The following TPTE variants were observed in gnomAD, a reference collection of about 807,000 sequenced individuals.
TPTE encodes transmembrane phosphatase with tensin homology.
TPTE carries 59 observed loss-of-function variants against 84.1 expected under a neutral mutation model. The observed-to-expected ratio is 0.70, with a 90% CI of 0.57 to 0.87. TPTE has a LOEUF of 0.87. TPTE is among the 40% of genes least tolerant of loss of function. The pLI is 0.00. For synonymous variants in TPTE, 130 were observed against 223.5 expected (o/e 0.58, Z 3.73); for missense variants, 382 against 659.6 (o/e 0.58, Z 4.61).
At chr21:10,574,998 T>C (rs1208974190) in intron 14 of TPTE, among the ~76,000 whole-genome samples, 1 of 152,276 alleles carries the variant, frequency 6.6e-6, no homozygotes, top group East Asian at 1.9e-4. Context: ...CCAGGCAGCA[T>C]CATTCTGCAG....
intron 4 of TPTE, among the ~76,000 whole-genome samples, chr21:10,539,120 AAGC>A (rs376207920): frequency 1.2e-4 from 18 of 152,308 alleles, no homozygotes; most frequent in Non-Finnish European, 8.8e-5. Flanking sequence ...AGTTCCTAGT[AAGC>A]AGCAGCTTAA....
intron 23 of TPTE, among the ~76,000 whole-genome samples, chr21:10,604,271 C>T (rs1978991472): frequency 6.6e-6 from 1 of 152,426 alleles, no homozygotes; most frequent in South Asian, 2.1e-4. Context: ...ACTCATTTCT[C>T]AGTCTAGAAG....
chr21:10,586,301 G>GTT (rs58633013), intron 17 of TPTE, among the ~76,000 whole-genome samples: 166 of 150,248 alleles, frequency 1.1e-3, no homozygotes, highest in African/African-American at 3.7e-3. Flanking sequence ...CTTTGTGCTT[G>GTT]TTTTTTTTTT....
In TPTE at chr21:10,528,693, T is replaced by C. The variant is rs369820557; in HGVS notation, c.-44+1281T>C. Among the ~76,000 whole-genome samples, 15 of 152,406 alleles carry C rather than the reference T, an allele frequency of 9.8e-5. No individual in the cohort carries two copies. In the East Asian group the frequency reaches 1.9e-3, roughly 20 times the overall value. Reference sequence around the variant, plus strand: ...ACTTCTTATCGTAAGATTACCAATATAGTCACCAAAATATTTTTTTATATT... The same window carrying C: ...ACTTCTTATCGTAAGATTACCAATACAGTCACCAAAATATTTTTTTATATT... On this transcript the variant is annotated intron_variant, in intron 3 of 23. Transcript: ENST00000618007.
intron 21 of TPTE, among the ~76,000 whole-genome samples, chr21:10,601,507 AAAAG>A (rs1388338401): frequency 1.3e-5 from 2 of 152,346 alleles, no homozygotes; most frequent in African/African-American, 4.8e-5. Flanking sequence ...AAACAAAAAA[AAAAG>A]AAAAGAAAAG....
chr21:10,526,585 G>A (rs374076086), intron 2 of TPTE, among the ~76,000 whole-genome samples: 4 of 152,300 alleles, frequency 2.6e-5, no homozygotes, highest in Non-Finnish European at 5.9e-5. Flanking sequence ...TTATTTAAAC[G>A]TTTGAAAAGT....
chr21:10,538,483 C>CAGCCTA (rs1433340283), intron 3 of TPTE, among the ~76,000 whole-genome samples, 198 bp from the exon 4 acceptor site: 4 of 152,306 alleles, frequency 2.6e-5, no homozygotes, highest in Admixed American at 2.6e-4. Flanking sequence ...CTATTTTCCC[C>CAGCCTA]AGCCTAAGAT....
chr21:10,529,773 T>TGGG, intron 3 of TPTE, among the ~76,000 whole-genome samples: 1 of 152,424 alleles, frequency 6.6e-6, no homozygotes, highest in Non-Finnish European at 1.5e-5. Context: ...ATATCCATGT[T>TGGG]GGGGGGAGAT....
In TPTE at chr21:10,541,141, T is replaced by C. The variant is rs761362233; in HGVS notation, c.41T>C (p.Ile14Thr). The change falls in exon 5 of 24, where the codon ATC (isoleucine) becomes ACC (threonine). Residue 14 changes from isoleucine (I) to threonine (T), a missense_variant. Transcript: ENST00000618007. ...GATCCGACTGACCTGGCGGGAGTCA[T>C]CATTGAGCTCGGCCCCAATGACAGG... Reference protein sequence around the residue: ...SPDPTDLAGVIIELGPNDSPQ... With the variant: ...SPDPTDLAGVTIELGPNDSPQ... The C allele has an allele frequency of 1.2e-6, 2 of 1,613,340 alleles. No individual in the cohort carries two copies. The highest frequency in any genetic ancestry group is 1.1e-5 in the South Asian group (1 of 91,078).
intron 17 of TPTE, among the ~76,000 whole-genome samples, chr21:10,585,942 G>A (rs1371518056): frequency 7.4e-4 from 113 of 152,194 alleles, no homozygotes; most frequent in African/African-American, 2.6e-3. Flanking sequence ...TCCTGACATT[G>A]CTTTCTTGGT....
Position 10,569,534 on chromosome 21 carries a change from C to T in TPTE, c.664C>T (p.Arg222Trp), listed in dbSNP as rs76723236. 119,111 of 1,350,840 alleles carry T rather than the reference C, an allele frequency of 0.088. No homozygotes were observed. Among genetic ancestry groups the T allele is most frequent in the Admixed American group, 0.23 (10,695 of 46,600 alleles). The allele number at this position is 1,350,840 out of a possible 1,614,324, so 83.7% of individuals were successfully genotyped here. A position where few individuals can be genotyped will look rare whatever the true frequency, so the allele number is the denominator to read the frequency against. The change falls in exon 12 of 24, where the codon CGG becomes TGG. Residue 222 changes from arginine (R) to tryptophan (W), a missense_variant and splice_region_variant. By Grantham distance (101) the Arg-to-Trp change is moderately radical. This residue lies in a region of TPTE where 85 missense variants were observed against 230.9 expected (regional missense o/e 0.37). Transcript: ENST00000618007. ...KRQLEKLIRRRVSENKRRYTR... is the reference protein window; with the variant it reads ...KRQLEKLIRRWVSENKRRYTR... ...ACAACTTGAAAAGCTGATAAGAAGG[C>T]GGGTAAGTGGGCAAAACATGCTTAT...
At chr21:10,547,667 TG>T in intron 7 of TPTE, among the ~76,000 whole-genome samples, 1 of 152,424 alleles carries the variant, frequency 6.6e-6, no homozygotes, top group South Asian at 2.1e-4. Context: ...TGCCCTCCTC[TG>T]GGGGCCAGTA....
intron 8 of TPTE, among the ~76,000 whole-genome samples, chr21:10,556,553 T>C (rs2074688024): frequency 6.6e-6 from 1 of 152,310 alleles, no homozygotes; most frequent in South Asian, 2.1e-4. Flanking sequence ...TTTGGGTATA[T>C]ACCCAGTAAT....
In TPTE at chr21:10,546,958, AAAC is replaced by A. The variant is rs1476418338; in HGVS notation, c.173+3581_173+3583del. Among the ~76,000 whole-genome samples the A allele has an allele frequency of 2.0e-5, 3 of 152,308 alleles. No individual in the cohort carries two copies. The South Asian group carries it at 6.2e-4, about 31-fold the overall frequency. On this transcript the variant is annotated intron_variant, in intron 7 of 23. Coordinates refer to ENST00000618007, the MANE Select transcript of TPTE (RefSeq NM_199261.4). ...GATAACTGATGAATGTGGCCAAACT[AAAC>A]AACACATTTTCAATGTAGACAAGAT...
At chr21:10,592,793 T>C (rs1444265098) in intron 19 of TPTE, among the ~76,000 whole-genome samples, 2 of 151,898 alleles carry the variant, frequency 1.3e-5, no homozygotes, top group Non-Finnish European at 2.9e-5. Context: ...AGACTGTTTT[T>C]GGATGACTCC....
intron 7 of TPTE, among the ~76,000 whole-genome samples, chr21:10,552,000 A>T (rs1348012647): frequency 6.6e-6 from 1 of 152,310 alleles, no homozygotes; most frequent in East Asian, 1.9e-4. Context: ...GCTACAGCAA[A>T]CTTCATTGTT....
At chr21:10,542,583 CCATCCATT>C (rs1488005062) in intron 6 of TPTE, 135 bp downstream of exon 6, 73 of 1,254,744 alleles carry the variant, frequency 5.8e-5, no homozygotes, top group Admixed American at 2.2e-4. Context: ...ATCCATCCAT[CCATCCATT>C]CATCCATCCA....
intron 20 of TPTE, among the ~76,000 whole-genome samples, 171 bp downstream of exon 20, chr21:10,596,258 A>G (rs575825915): frequency 6.6e-6 from 1 of 152,186 alleles, no homozygotes; most frequent in Non-Finnish European, 1.5e-5. Flanking sequence ...GCAATTGCCC[A>G]TTGATTGCCA....
At chr21:10,554,860 T>C (rs2074649145) in intron 8 of TPTE, among the ~76,000 whole-genome samples, 1 of 152,312 alleles carries the variant, frequency 6.6e-6, no homozygotes, top group Non-Finnish European at 1.5e-5. Flanking sequence ...ACTCATAGTT[T>C]TTTCAGCATG....
Sources: gnomAD v4.1 joint callset for allele counts (sites outside exome capture counted in the v4.1 genomes callset) on GRCh38, gnomAD v4.1.1 for gene constraint, gnomAD v4.1.1 regional missense constraint, MANE v1.5 for transcripts, NCBI Gene and HGNC (gene_info 2026-07-23, HGNC 2026-07-21) for gene names.